Variants in SYTL4 observed in about 807,000 individuals in gnomAD.
SYTL4 encodes the protein synaptotagmin-like protein 4.
SYTL4 carries 16 observed loss-of-function variants against 52.7 expected under a neutral mutation model. The ratio of observed to expected loss-of-function variants is 0.30; its 90% CI spans 0.21 to 0.46. The LOEUF (loss-of-function observed/expected upper bound fraction) is 0.46, where lower values mean the gene tolerates loss of function less well. Ranked by LOEUF, SYTL4 falls within the 20% of genes least tolerant of loss-of-function variation. SYTL4 has a pLI of 1.00. For missense variants in SYTL4, 423 were observed against 519.9 expected (o/e 0.81, Z 1.81); for synonymous variants, 160 against 186.6 (o/e 0.86, Z 1.16).
In SYTL4 at chrX:100,675,221, T is replaced by C. The variant is rs1296847624; in HGVS notation, c.*807A>G. ...AAAATGCAGAAAATTCAGCATGGGC[T>C]GTGAGACACTTTACCCTCAGTCACT... On this transcript the variant is annotated 3_prime_UTR_variant, in exon 20 of 20. Transcript: ENST00000372989. 8.9e-6 allele frequency: 1 copy of C among 112,941 alleles called. No individual in the cohort carries two copies. The highest frequency in any genetic ancestry group is 1.9e-5 in the Non-Finnish European group (1 of 53,350). 9.3% of individuals were successfully genotyped at this position (112,941 alleles called of 1,213,427 possible).
chrX:100,680,046 T>TA (rs1417836771), intron 17 of SYTL4, among the ~76,000 whole-genome samples: 1 of 112,071 alleles, frequency 8.9e-6, no homozygotes, highest in African/African-American at 3.2e-5. Flanking sequence ...AGTCCACACT[T>TA]ACCACCTCTA....
chrX:100,700,069 G>T (rs2083816138), intron 8 of SYTL4, among the ~76,000 whole-genome samples: 1 of 111,187 alleles, frequency 9.0e-6, no homozygotes, highest in Non-Finnish European at 1.9e-5. Flanking sequence ...TGATTGTTTA[G>T]GGATCAGGGA....
At chrX:100,731,397 C>G (rs1051266696) in intron 2 of SYTL4, 21 bp downstream of exon 2, 1 of 113,307 alleles carries the variant, frequency 8.8e-6, no homozygotes, top group Non-Finnish European at 1.9e-5. Context: ...GGACTCCAGC[C>G]AACCAGCCTC....
At chrX:100,719,304 G>A (rs1376457594) in intron 2 of SYTL4, among the ~76,000 whole-genome samples, 4 of 111,557 alleles carry the variant, frequency 3.6e-5, no homozygotes, top group African/African-American at 1.3e-4. Context: ...CTTGCTCAAG[G>A]TCACATGCCC....
chrX:100,716,292 A>G (rs1447282947), intron 2 of SYTL4, among the ~76,000 whole-genome samples: 12 of 106,613 alleles, frequency 1.1e-4, no homozygotes, highest in African/African-American at 3.8e-4. Flanking sequence ...TCTACTAAAA[A>G]TACAAAATTA....
At chrX:100,715,027 T>C (rs1001712931) in intron 2 of SYTL4, among the ~76,000 whole-genome samples, 1 of 111,819 alleles carries the variant, frequency 8.9e-6, no homozygotes, top group African/African-American at 3.3e-5. Flanking sequence ...TCCATTTTTG[T>C]GCTTTTTCTT....
chrX:100,682,579 G>A (rs1266012452), intron 16 of SYTL4, among the ~76,000 whole-genome samples: 1 of 109,612 alleles, frequency 9.1e-6, no homozygotes, highest in Non-Finnish European at 1.9e-5. Context: ...GGGTGGTGTG[G>A]GCCTATAATC....
Position 100,679,382 on chromosome X carries a change from A to G in SYTL4, c.1589T>C (p.Val530Ala), listed in dbSNP as rs1316693661. Residue 530 changes from valine (V) to alanine (A), a missense_variant, in exon 18 of 20, where the codon GTG becomes GCG. Val to Ala is a moderately conservative substitution (Grantham distance 64, BLOSUM62 0). Transcript: ENST00000372989. ...CAAGTTCTTGGCTTCTTTGATCCAC[A>G]CCTGGAGCTCTCCCCCTTCCCCACC... ...SKGGEGGELQ[V>A]WIKEAKNLTA... The G allele has an allele frequency of 2.5e-6, 3 of 1,210,745 alleles. No homozygotes were observed. Among genetic ancestry groups the G allele is most frequent in the Middle Eastern group, 2.3e-4 (1 of 4,304 alleles).
intron 5 of SYTL4, 97 bp from the exon 6 acceptor site, chrX:100,701,770 C>CTG (rs2083858260): frequency 1.1e-6 from 1 of 927,185 alleles, no homozygotes; most frequent in Non-Finnish European, 1.5e-6. Flanking sequence ...CTATTTGGTT[C>CTG]TGTGGAAGCA....
In SYTL4 at chrX:100,676,295, G is replaced by A. The variant is rs776302821; in HGVS notation, c.1868-119C>T. 8.0e-6 allele frequency: 6 copies of A among 748,408 alleles called. 1 individual carries two copies. In the African/African-American group the frequency reaches 8.4e-5, roughly 11 times the overall value. 61.7% of individuals were successfully genotyped at this position (748,408 alleles called of 1,213,427 possible). On this transcript the variant is annotated intron_variant, in intron 19 of 19. Transcript: ENST00000372989. ...AGTTTCCTACGAAGATGGGCTAATG[G>A]CCACAGCAGTCTGGGAAGTGCTCCC...
At chrX:100,718,569 C>T (rs1219051926) in intron 2 of SYTL4, among the ~76,000 whole-genome samples, 2 of 110,788 alleles carry the variant, frequency 1.8e-5, no homozygotes, top group Non-Finnish European at 3.8e-5. Flanking sequence ...CCATGGAGCA[C>T]ATCTATGCCT....
At chrX:100,686,987 C>A in intron 14 of SYTL4, 80 bp downstream of exon 14, 1 of 1,062,021 alleles carries the variant, frequency 9.4e-7, no homozygotes, top group Non-Finnish European at 1.3e-6. Context: ...AACAGATAAG[C>A]TCTGTTCAAG....
chrX:100,720,786 G>A (rs999104681), intron 2 of SYTL4, among the ~76,000 whole-genome samples: 4 of 112,253 alleles, frequency 3.6e-5, no homozygotes, highest in African/African-American at 1.3e-4. Context: ...AATTGCATAC[G>A]TGGCAGGTAA....
chrX:100,703,549 T>C (rs1448149504), intron 3 of SYTL4, among the ~76,000 whole-genome samples: 1 of 111,796 alleles, frequency 8.9e-6, no homozygotes, highest in Non-Finnish European at 1.9e-5. Context: ...CAGAGGACAA[T>C]TTGGTAGTAC....
chrX:100,699,482 C>CATTTTTTTTTTTTTTT lies in SYTL4; in HGVS notation c.539+1414_539+1415insAAAAAAAAAAAAAAAT. Among the ~76,000 whole-genome samples the CATTTTTTTTTTTTTTT allele has an allele frequency of 3.3e-5, 2 of 59,892 alleles. 1 individual carries two copies. The highest frequency in any genetic ancestry group is 5.4e-5 in the Non-Finnish European group (2 of 36,703). The allele number at this position is 59,892 out of a possible 115,157, so 52.0% of individuals were successfully genotyped here. On this transcript the variant is annotated intron_variant, in intron 8 of 19. Coordinates refer to ENST00000372989, the MANE Select transcript of SYTL4 (RefSeq NM_001370165.1). ...AATGAATGTTCATAGCAGCATTACT[C>CATTTTTTTTTTTTTTT]TTTTTTTTTTTTTTTTTTTTTTTTT...
At chrX:100,716,069 C>G (rs1165636119) in intron 2 of SYTL4, among the ~76,000 whole-genome samples, 2 of 109,311 alleles carry the variant, frequency 1.8e-5, no homozygotes, top group Admixed American at 9.9e-5. Flanking sequence ...TGTGGGTTTC[C>G]AGAACATGGG....
At chrX:100,705,993 C>T (rs1259348247) in intron 2 of SYTL4, among the ~76,000 whole-genome samples, 1 of 110,914 alleles carries the variant, frequency 9.0e-6, no homozygotes, top group African/African-American at 3.3e-5. Flanking sequence ...ATCTTCCCCC[C>T]ATACCCATCC....
In SYTL4 at chrX:100,702,093, A is replaced by G; in HGVS notation, c.-56T>C. 1 of 902,081 alleles carries G rather than the reference A, an allele frequency of 1.1e-6. No individual in the cohort carries two copies. The highest frequency in any genetic ancestry group is 1.6e-6 in the Non-Finnish European group (1 of 636,775). 74.3% of individuals were successfully genotyped at this position (902,081 alleles called of 1,213,427 possible). A position where few individuals can be genotyped will look rare whatever the true frequency, so the allele number is the denominator to read the frequency against. On this transcript the variant is annotated 5_prime_UTR_variant, in exon 5 of 20. Transcript: ENST00000372989. Reference sequence around the variant, plus strand: ...TTCTTCAAAACAACCAGACAAGGAGAGCTACCAGAGTTGCCTGAAATGACA... The same window carrying G: ...TTCTTCAAAACAACCAGACAAGGAGGGCTACCAGAGTTGCCTGAAATGACA...
chrX:100,685,951 C>T lies in SYTL4; in HGVS notation c.1449+39G>A, dbSNP rs769515577. 16 of 1,150,320 alleles carry T rather than the reference C, an allele frequency of 1.4e-5. No homozygotes were observed. In the East Asian group the frequency reaches 3.7e-4, roughly 27 times the overall value. The allele number at this position is 1,150,320 out of a possible 1,213,427, so 94.8% of individuals were successfully genotyped here. A position where few individuals can be genotyped will look rare whatever the true frequency, so the allele number is the denominator to read the frequency against. On this transcript the variant is annotated intron_variant, in intron 16 of 19. Transcript: ENST00000372989. ...GCAGAGGCTACTGCAGACAATTCTA[C>T]CTCAGATCCAAACTGCAGGAGTTGT...
Sources: allele counts gnomAD v4.1 joint callset (sites outside exome capture counted in the v4.1 genomes callset), GRCh38; gene constraint gnomAD v4.1.1; transcripts MANE v1.5; gene names NCBI Gene and HGNC (gene_info 2026-07-23, HGNC 2026-07-21).